The following ZFYVE28 variants were observed in gnomAD, a reference collection of about 807,000 sequenced individuals.
ZFYVE28 encodes the protein lateral signaling target protein 2 homolog.
Under a neutral mutation model 82.1 loss-of-function variants are expected in ZFYVE28, and 40 were observed. That is an observed-to-expected ratio of 0.49 (90% CI 0.38 to 0.63). The LOEUF is 0.63. ZFYVE28 is among the 30% of genes least tolerant of loss of function. ZFYVE28 has a pLI of 0.00. For missense variants in ZFYVE28, 1,321 were observed against 1,242.1 expected (o/e 1.06, Z -0.96); for synonymous variants, 612 against 546.1 (o/e 1.12, Z -1.68).
At position 2,305,433 on chromosome 4, in the gene ZFYVE28, G is replaced by C; in HGVS notation, c.907C>G (p.Pro303Ala). Residue 303 changes from proline to alanine, a missense_variant, in exon 8 of 13, where the codon CCC becomes GCC. Coordinates refer to ENST00000290974, the MANE Select transcript of ZFYVE28 (RefSeq NM_020972.3). Reference sequence around the variant, plus strand: ...GAGAGGGCAGGCGCCAGGGCAGCGGGTCCCTGCACGTCTGCGCGGATGGGG... The same window carrying C: ...GAGAGGGCAGGCGCCAGGGCAGCGGCTCCCTGCACGTCTGCGCGGATGGGG... ...EFPIRADVQG[P>A]AALAPALSAP... The C allele has an allele frequency of 6.2e-7, 1 of 1,612,896 alleles. No individual in the cohort carries two copies. The highest frequency in any genetic ancestry group is 8.5e-7 in the Non-Finnish European group (1 of 1,179,986).
intron 1 of ZFYVE28, among the ~76,000 whole-genome samples, chr4:2,410,800 C>A (rs1286611392): frequency 2.6e-5 from 4 of 152,158 alleles, no homozygotes; most frequent in Non-Finnish European, 5.9e-5. Context: ...CTTTCTAATG[C>A]TAATGTCATG....
intron 6 of ZFYVE28, among the ~76,000 whole-genome samples, chr4:2,323,491 CTT>C (rs1350154725): frequency 9.2e-5 from 14 of 151,844 alleles, no homozygotes; most frequent in African/African-American, 2.7e-4. Context: ...TTTAGGTTGT[CTT>C]TTCATTTTCT....
chr4:2,334,776 G>GCCTCCCCTCTTCCCCCTCCCCTCTTCCC, intron 6 of ZFYVE28, among the ~76,000 whole-genome samples: 1 of 7,314 alleles, frequency 1.4e-4, no homozygotes, highest in Non-Finnish European at 2.7e-4. Context: ...CCCCACTTCC[G>GCCTCCCCTCTTCCCCCTCCCCTCTTCCC]CCTCCCCTCT....
intron 7 of ZFYVE28, among the ~76,000 whole-genome samples, chr4:2,309,165 C>T (rs982203235): frequency 2.0e-5 from 3 of 152,152 alleles, no homozygotes; most frequent in Non-Finnish European, 4.4e-5. Flanking sequence ...AAATTAGTTA[C>T]CACAAGAGTG....
chr4:2,356,297 G>A (rs1175146909), intron 1 of ZFYVE28, among the ~76,000 whole-genome samples: 1 of 152,194 alleles, frequency 6.6e-6, no homozygotes, highest in East Asian at 1.9e-4. Context: ...GGCTGACGGA[G>A]CCTCTGCACC....
In ZFYVE28 at chr4:2,417,324, G is replaced by T. The variant is rs1427963224; in HGVS notation, c.39+961C>A. 6.6e-6 allele frequency among the ~76,000 whole-genome samples: 1 copy of T among 151,950 alleles called. No individual in the cohort carries two copies. The highest frequency in any genetic ancestry group is 1.5e-5 in the Non-Finnish European group (1 of 67,940). On this transcript the variant is annotated intron_variant, in intron 1 of 12. Transcript: ENST00000290974. This position sits in a 1 kb window ranked among gnomAD's most constrained non-coding sequence, Gnocchi z 4.8. ...ACCCTGCGCCGGGATCCTGAACACC[G>T]CCGCGCCTTCATCCCGCGCCGAGCG...
chr4:2,285,281 T>A (rs1003615820), intron 8 of ZFYVE28: 6 of 152,294 alleles, frequency 3.9e-5, no homozygotes, highest in African/African-American at 9.6e-5. Context: ...TGCTGACACC[T>A]TGATCTCGAC....
chr4:2,308,627 CAGAA>C (rs58958771), intron 7 of ZFYVE28, among the ~76,000 whole-genome samples: 4,662 of 79,382 alleles, frequency 0.059, 228 homozygotes, highest in Non-Finnish European at 0.077. Context: ...AGAAAGAAGA[CAGAA>C]AGAAAGAAAG....
At chr4:2,360,122 C>G (rs73070630) in intron 1 of ZFYVE28, among the ~76,000 whole-genome samples, 2,207 of 152,114 alleles carry the variant, frequency 0.015, 52 homozygotes, top group African/African-American at 0.05. Flanking sequence ...TAATTGCCTG[C>G]GCGTGGGAAA....
At chr4:2,395,730 C>T (rs13137943) in intron 1 of ZFYVE28, among the ~76,000 whole-genome samples, 50,884 of 152,098 alleles carry the variant, frequency 0.33, 9,347 homozygotes, top group East Asian at 0.49. Flanking sequence ...AAGAGGTGGC[C>T]GGACCCAACA....
intron 7 of ZFYVE28, among the ~76,000 whole-genome samples, chr4:2,311,390 G>A (rs2108830102): frequency 6.6e-6 from 1 of 152,252 alleles, no homozygotes; most frequent in African/African-American, 2.4e-5. Flanking sequence ...GCTGGGTGTG[G>A]TGGCAGGCAT....
chr4:2,353,017 CCCCA>C (rs1724701167), intron 2 of ZFYVE28, among the ~76,000 whole-genome samples: 1 of 152,238 alleles, frequency 6.6e-6, no homozygotes. Flanking sequence ...CAGGGACTCT[CCCCA>C]CCCACAGAGG....
rs1482424858 is a variant in ZFYVE28, at chr4:2,417,260, C to A, written c.39+1025G>T. Among the ~76,000 whole-genome samples, 1 of 152,152 alleles carries A rather than the reference C, an allele frequency of 6.6e-6. No homozygotes were observed. The highest frequency in any genetic ancestry group is 1.5e-5 in the Non-Finnish European group (1 of 68,002). ...GGCCCGGGCCTCCCCGCTGCGCCGG[C>A]CCCAGGGTGCCACCCTCGGACGCCC... On this transcript the variant is annotated intron_variant, in intron 1 of 12. Coordinates refer to ENST00000290974, the MANE Select transcript of ZFYVE28 (RefSeq NM_020972.3). The surrounding 1 kb of genome is among the most constrained non-coding windows in gnomAD (Gnocchi z 4.8).
At chr4:2,344,760 G>C (rs563034987) in intron 2 of ZFYVE28, among the ~76,000 whole-genome samples, 119 of 152,146 alleles carry the variant, frequency 7.8e-4, no homozygotes, top group Middle Eastern at 3.4e-3. Flanking sequence ...GCCGGGTGTG[G>C]TGGCGAATGC....
At chr4:2,334,440 G>A (rs1488366360) in intron 6 of ZFYVE28, among the ~76,000 whole-genome samples, 2 of 151,950 alleles carry the variant, frequency 1.3e-5, no homozygotes, top group Non-Finnish European at 2.9e-5. Context: ...CTAGCCCACT[G>A]CACTGCCACC....
intron 1 of ZFYVE28, among the ~76,000 whole-genome samples, chr4:2,387,559 G>C (rs1019233591): frequency 2.6e-5 from 4 of 152,200 alleles, no homozygotes; most frequent in African/African-American, 9.6e-5. Flanking sequence ...TCCAGGGAGA[G>C]CACAGAGGAG....
intron 2 of ZFYVE28, among the ~76,000 whole-genome samples, chr4:2,348,111 C>A (rs1723847535): frequency 6.6e-6 from 1 of 152,112 alleles, no homozygotes; most frequent in South Asian, 2.1e-4. Context: ...AACTTAATAA[C>A]AGGAACGAGA....
In ZFYVE28 at chr4:2,320,024, A is replaced by T; in HGVS notation, c.803+146T>A. The T allele has an allele frequency of 5.1e-6, 4 of 780,920 alleles. No homozygotes were observed. Among genetic ancestry groups the T allele is most frequent in the Non-Finnish European group, 8.2e-6 (4 of 488,728 alleles). 48.4% of individuals were successfully genotyped at this position (780,920 alleles called of 1,614,324 possible). A position where few individuals can be genotyped will look rare whatever the true frequency, so the allele number is the denominator to read the frequency against. ...CTGTGACCCCCATGGGTCGTTTGTGACCCCTCCCTAGGGAATATTAACCAG... is the reference window on the plus strand; with the variant it reads ...CTGTGACCCCCATGGGTCGTTTGTGTCCCCTCCCTAGGGAATATTAACCAG... On this transcript the variant is annotated intron_variant, in intron 7 of 12. Coordinates refer to ENST00000290974, the MANE Select transcript of ZFYVE28 (RefSeq NM_020972.3). The surrounding 1 kb of genome is among the most constrained non-coding windows in gnomAD (Gnocchi z 5.1).
intron 4 of ZFYVE28, among the ~76,000 whole-genome samples, chr4:2,337,985 T>G (rs144291254): frequency 6.6e-6 from 1 of 152,284 alleles, no homozygotes; most frequent in Non-Finnish European, 1.5e-5. Context: ...GCCCTGCCCA[T>G]GCGGGACAGT....
Sources: gnomAD v4.1 joint callset for allele counts (sites outside exome capture counted in the v4.1 genomes callset) on GRCh38, gnomAD v4.1.1 for gene constraint, Gnocchi (gnomAD v3.1) non-coding constraint, MANE v1.5 for transcripts, NCBI Gene and HGNC (gene_info 2026-07-23, HGNC 2026-07-21) for gene names.